TM2D1: variants seen among roughly 807,000 people sequenced by gnomAD.
The protein encoded by TM2D1 is TM2 domain-containing protein 1.
TM2D1 carries 15 observed loss-of-function variants against 28.4 expected under a neutral mutation model. That is an observed-to-expected ratio of 0.53 (90% CI 0.35 to 0.81). The LOEUF is 0.81. Ranked by LOEUF, TM2D1 falls within the 40% of genes least tolerant of loss-of-function variation. The pLI, the probability that TM2D1 is intolerant of heterozygous loss-of-function variation, is 0.01. For missense variants in TM2D1, 236 were observed against 254.9 expected, an observed-to-expected ratio of 0.93 and a Z score of 0.50; for synonymous variants, 93 against 96.2, an observed-to-expected ratio of 0.97 and a Z score of 0.20.
At chr1:61,709,523 T>C (rs922295864) in intron 2 of TM2D1, 86 bp from the exon 3 acceptor site, 1 of 900,098 alleles carries the variant, frequency 1.1e-6, no homozygotes, top group Non-Finnish European at 1.8e-6. Flanking sequence ...AAATATGTTA[T>C]AACAAACTAC....
chr1:61,682,674 T>C (rs1430905294), intron 6 of TM2D1, among the ~76,000 whole-genome samples: 2 of 151,820 alleles, frequency 1.3e-5, no homozygotes, highest in Non-Finnish European at 2.9e-5. Context: ...CCGAAGCAGG[T>C]GGATCACCTG....
intron 3 of TM2D1, 133 bp from the exon 4 acceptor site, chr1:61,701,158 G>C: frequency 1.5e-6 from 1 of 649,856 alleles, no homozygotes; most frequent in African/African-American, 1.8e-5. Flanking sequence ...CTGTGTGTCA[G>C]GCACTATTCT....
At chr1:61,694,521 T>G in intron 5 of TM2D1, 176 bp downstream of exon 5, 1 of 443,764 alleles carries the variant, frequency 2.3e-6, no homozygotes. Flanking sequence ...GAGCACAGTT[T>G]GAGAAATGCT....
intron 2 of TM2D1, among the ~76,000 whole-genome samples, chr1:61,721,035 CATG>C (rs1164921789): frequency 6.6e-6 from 1 of 151,788 alleles, no homozygotes; most frequent in East Asian, 1.9e-4. Context: ...GCCTAGGCAA[CATG>C]GTACATCCCA....
At chr1:61,697,860 G>A (rs1644375215) in intron 4 of TM2D1, 1 of 152,044 alleles carries the variant, frequency 6.6e-6, no homozygotes, top group Non-Finnish European at 1.5e-5. Context: ...ATTACTCCAG[G>A]AGTAGGTAAT....
intron 4 of TM2D1, chr1:61,697,964 A>G (rs1403943903): frequency 6.6e-6 from 1 of 152,198 alleles, no homozygotes; most frequent in African/African-American, 2.4e-5. Context: ...CATCCCTAAG[A>G]AAGTGTTCTG....
intron 3 of TM2D1, 93 bp from the exon 4 acceptor site, chr1:61,701,118 T>C: frequency 1.1e-6 from 1 of 932,744 alleles, no homozygotes; most frequent in Non-Finnish European, 1.7e-6. Flanking sequence ...GGTTCATTCT[T>C]TCACTCAGTT....
At chr1:61,704,979 C>T (rs931583345) in intron 3 of TM2D1, among the ~76,000 whole-genome samples, 3 of 152,126 alleles carry the variant, frequency 2.0e-5, no homozygotes, top group Non-Finnish European at 4.4e-5. Context: ...GTAAACACTC[C>T]TTTGATATAT....
At chr1:61,709,269 G>T in intron 3 of TM2D1, 60 bp downstream of exon 3, 3 of 984,530 alleles carry the variant, frequency 3.0e-6, no homozygotes, top group Non-Finnish European at 4.8e-6. Context: ...CTCTCTTCAT[G>T]CAATGAAGAT....
intron 2 of TM2D1, among the ~76,000 whole-genome samples, chr1:61,711,908 CT>C (rs71050145): frequency 1.0e-3 from 145 of 144,732 alleles, no homozygotes; most frequent in Middle Eastern, 3.7e-3. Context: ...ATCACTAATT[CT>C]TTTTTTTTTT....
At chr1:61,701,556 CGTGTGTGTGTGTGTGT>C (rs60257971) in intron 3 of TM2D1, among the ~76,000 whole-genome samples, 24 of 145,952 alleles carry the variant, frequency 1.6e-4, no homozygotes, top group African/African-American at 5.6e-4. Context: ...AATTCTCTTT[CGTGTGTGTGTGTGTGT>C]GTGTGTGTGT....
chr1:61,704,905 T>A (rs954564050), intron 3 of TM2D1, among the ~76,000 whole-genome samples: 1 of 152,046 alleles, frequency 6.6e-6, no homozygotes, highest in South Asian at 2.1e-4. Context: ...CCTGTCTCTA[T>A]ATTAAAAAGA....
intron 2 of TM2D1, among the ~76,000 whole-genome samples, chr1:61,720,518 A>C (rs1035202277): frequency 1.3e-5 from 2 of 152,186 alleles, no homozygotes; most frequent in African/African-American, 4.8e-5. Flanking sequence ...ATGGGATTAT[A>C]GGTGTGAGCC....
intron 2 of TM2D1, among the ~76,000 whole-genome samples, chr1:61,716,453 TTA>T (rs1644521139): frequency 6.9e-6 from 1 of 145,400 alleles, no homozygotes; most frequent in African/African-American, 2.5e-5. Context: ...ATATATAATT[TTA>T]TATACATATA....
intron 5 of TM2D1, among the ~76,000 whole-genome samples, chr1:61,689,469 A>C (rs1644308497): frequency 6.6e-6 from 1 of 152,128 alleles, no homozygotes; most frequent in Non-Finnish European, 1.5e-5. Flanking sequence ...TCTCAGGCTC[A>C]AGTGATCCTC....
intron 3 of TM2D1, among the ~76,000 whole-genome samples, chr1:61,706,261 A>G (rs1375410338): frequency 6.6e-6 from 1 of 152,164 alleles, no homozygotes; most frequent in Non-Finnish European, 1.5e-5. Context: ...GTAGTGCAGT[A>G]GCCATGATTT....
At chr1:61,714,922 C>T (rs1644505989) in intron 2 of TM2D1, among the ~76,000 whole-genome samples, 1 of 152,092 alleles carries the variant, frequency 6.6e-6, no homozygotes, top group Admixed American at 6.6e-5. Flanking sequence ...AATATTTAAT[C>T]ATTTCTAATA....
chr1:61,690,048 G>C (rs1386715572), intron 5 of TM2D1, among the ~76,000 whole-genome samples: 1 of 152,166 alleles, frequency 6.6e-6, no homozygotes. Context: ...GGCACATATA[G>C]AAGGCACCAT....
chr1:61,714,460 G>A (rs1644502410), intron 2 of TM2D1, among the ~76,000 whole-genome samples: 3 of 152,020 alleles, frequency 2.0e-5, no homozygotes, highest in Admixed American at 1.3e-4. Flanking sequence ...AAAATTGCTT[G>A]GACCCGGGAA....
Sources: allele counts gnomAD v4.1 joint callset (sites outside exome capture counted in the v4.1 genomes callset), GRCh38; gene constraint gnomAD v4.1.1; transcripts MANE v1.5; gene names NCBI Gene and HGNC (gene_info 2026-07-23, HGNC 2026-07-21).